SPAG16: variants seen among roughly 807,000 people sequenced by gnomAD.
The protein encoded by SPAG16 is sperm associated antigen 16.
SPAG16 carries 86 observed loss-of-function variants against 80.4 expected under a neutral mutation model. The observed-to-expected ratio is 1.07, with a 90% CI of 0.90 to 1.28. SPAG16 has a LOEUF of 1.28. Ranked by LOEUF, SPAG16 falls within the 50% of genes most tolerant of loss-of-function variation. The probability of loss-of-function intolerance (pLI) is 0.00; values close to 1 mark genes in which losing one functional copy is unlikely to be tolerated. For missense variants in SPAG16, 870 were observed against 765.3 expected (o/e 1.14, Z -1.61); for synonymous variants, 294 against 265.9 (o/e 1.11, Z -1.03).
intron 11 of SPAG16, among the ~76,000 whole-genome samples, chr2:213,867,926 C>CAAAAAAAAAAAAAAA (rs35795865): frequency 4.4e-5 from 2 of 45,874 alleles, no homozygotes; most frequent in Non-Finnish European, 8.9e-5. Context: ...TCTGTCTCAA[C>CAAAAAAAAAAAAAAA]AAAAAAAAAA....
intron 13 of SPAG16, among the ~76,000 whole-genome samples, chr2:214,101,994 A>C (rs561653783): frequency 9.7e-4 from 148 of 152,224 alleles, no homozygotes; most frequent in Admixed American, 3.1e-3. Context: ...ACTGAAGCAA[A>C]GGTGTTGGGG....
At chr2:214,205,020 G>A (rs1435719043) in intron 15 of SPAG16, among the ~76,000 whole-genome samples, 1 of 152,142 alleles carries the variant, frequency 6.6e-6, no homozygotes, top group Non-Finnish European at 1.5e-5. Flanking sequence ...CTTGAGACCA[G>A]GAGTTTGAGA....
chr2:214,087,656 T>C (rs966349803), intron 13 of SPAG16, among the ~76,000 whole-genome samples: 1 of 152,056 alleles, frequency 6.6e-6, no homozygotes, highest in Non-Finnish European at 1.5e-5. Flanking sequence ...CCAGAGGAGA[T>C]GAGAACCTAA....
intron 15 of SPAG16, among the ~76,000 whole-genome samples, chr2:214,155,502 G>T (rs954218867): frequency 2.0e-5 from 3 of 151,852 alleles, no homozygotes; most frequent in African/African-American, 7.3e-5. Flanking sequence ...AAGTCTAAAA[G>T]ATTTACTTTT....
chr2:214,204,111 C>T (rs2058081888), intron 15 of SPAG16, among the ~76,000 whole-genome samples: 1 of 152,182 alleles, frequency 6.6e-6, no homozygotes, highest in Non-Finnish European at 1.5e-5. Flanking sequence ...CATAATCCCT[C>T]TGGGAACATG....
chr2:214,147,921 TG>T (rs2055742562), intron 14 of SPAG16, among the ~76,000 whole-genome samples: 2 of 152,040 alleles, frequency 1.3e-5, no homozygotes, highest in Non-Finnish European at 2.9e-5. Flanking sequence ...AAGGAGTAAG[TG>T]AGAAAATATG....
At chr2:213,999,178 C>A (rs559105507) in intron 12 of SPAG16, among the ~76,000 whole-genome samples, 1 of 152,288 alleles carries the variant, frequency 6.6e-6, no homozygotes, top group Admixed American at 6.5e-5. Context: ...CACGGCAGCC[C>A]CTCCCATCAC....
intron 10 of SPAG16, among the ~76,000 whole-genome samples, chr2:213,695,341 T>C (rs1182027863): frequency 6.6e-6 from 1 of 152,198 alleles, no homozygotes; most frequent in African/African-American, 2.4e-5. Flanking sequence ...AGTGCTATGT[T>C]CAGGATAATT....
chr2:214,274,992 C>G (rs550102028), intron 15 of SPAG16, among the ~76,000 whole-genome samples: 1 of 152,184 alleles, frequency 6.6e-6, no homozygotes, highest in Non-Finnish European at 1.5e-5. Context: ...TTGGTGTATT[C>G]AGAGATTCAA....
chr2:213,530,967 A>G (rs1369309572), intron 10 of SPAG16, among the ~76,000 whole-genome samples: 1 of 152,078 alleles, frequency 6.6e-6, no homozygotes, highest in Non-Finnish European at 1.5e-5. Context: ...TATGAATCTA[A>G]TTAAAGTTAT....
Position 213,860,440 on chromosome 2 carries a change from TAG to T in SPAG16, c.1071-2043_1071-2042del, listed in dbSNP as rs1559529358. ...ATATGTGTGTATATCTATATATTTA[TAG>T]ATATATGTATATATATACAGATATA... is the stretch of plus-strand genomic sequence containing the variant. On this transcript the variant is annotated intron_variant, in intron 10 of 15. Coordinates refer to ENST00000331683, the MANE Select transcript of SPAG16 (RefSeq NM_024532.5). 4.4e-5 allele frequency among the ~76,000 whole-genome samples: 6 copies of T among 135,448 alleles called. 1 individual carries two copies. Among genetic ancestry groups the T allele is most frequent in the South Asian group, 2.4e-4 (1 of 4,254 alleles). 88.9% of individuals were successfully genotyped at this position (135,448 alleles called of 152,430 possible). A position where few individuals can be genotyped will look rare whatever the true frequency, so the allele number is the denominator to read the frequency against.
intron 9 of SPAG16, among the ~76,000 whole-genome samples, chr2:213,431,997 G>T (rs1391138631): frequency 2.6e-5 from 4 of 152,026 alleles, no homozygotes; most frequent in African/African-American, 9.7e-5. Flanking sequence ...GCTGCTAAAT[G>T]ATCTTTGAGT....
chr2:214,073,456 C>T (rs891994613), intron 13 of SPAG16, among the ~76,000 whole-genome samples: 4 of 151,882 alleles, frequency 2.6e-5, no homozygotes, highest in African/African-American at 4.8e-5. Context: ...AGGATGGTCT[C>T]GATCTCCTGA....
At chr2:213,728,387 AT>A (rs1410446993) in intron 10 of SPAG16, among the ~76,000 whole-genome samples, 2 of 152,050 alleles carry the variant, frequency 1.3e-5, no homozygotes, top group African/African-American at 4.8e-5. Flanking sequence ...AGTGGTTATT[AT>A]TTTCACCAGT....
chr2:213,702,531 C>T (rs2065505467), intron 10 of SPAG16, among the ~76,000 whole-genome samples: 1 of 152,152 alleles, frequency 6.6e-6, no homozygotes, highest in Admixed American at 6.5e-5. Flanking sequence ...CCGCGAGGGT[C>T]CACAGCTTCA....
intron 15 of SPAG16, among the ~76,000 whole-genome samples, chr2:214,363,495 C>T (rs549979757): frequency 3.8e-4 from 57 of 151,816 alleles, no homozygotes; most frequent in Non-Finnish European, 7.5e-4. Flanking sequence ...CCCACATTTC[C>T]GTTTACCACA....
chr2:213,924,970 C>T (rs927133109), intron 11 of SPAG16, among the ~76,000 whole-genome samples: 2 of 151,756 alleles, frequency 1.3e-5, no homozygotes, highest in African/African-American at 4.8e-5. Flanking sequence ...TTACCCATTT[C>T]TTTTTTTCTT....
At chr2:213,384,192 A>C (rs2067312818) in intron 9 of SPAG16, among the ~76,000 whole-genome samples, 1 of 152,108 alleles carries the variant, frequency 6.6e-6, no homozygotes, top group African/African-American at 2.4e-5. Flanking sequence ...GCCATTTTCC[A>C]CCACCCTCCC....
At chr2:213,821,175 A>C (rs1183032668) in intron 10 of SPAG16, among the ~76,000 whole-genome samples, 2 of 152,044 alleles carry the variant, frequency 1.3e-5, no homozygotes, top group Non-Finnish European at 2.9e-5. Context: ...TTCTATTTTT[A>C]TGAATTTGTG....
Sources: allele counts gnomAD v4.1 joint callset (sites outside exome capture counted in the v4.1 genomes callset), GRCh38; gene constraint gnomAD v4.1.1; transcripts MANE v1.5; gene names NCBI Gene and HGNC (gene_info 2026-07-23, HGNC 2026-07-21).